The following STXBP6 variants were observed in gnomAD, a reference collection of about 807,000 sequenced individuals.
STXBP6 encodes syntaxin-binding protein 6.
STXBP6 carries 21 observed loss-of-function variants against 26.9 expected under a neutral mutation model. The ratio of observed to expected loss-of-function variants is 0.78; its 90% CI spans 0.55 to 1.12. The LOEUF is 1.12. Ranked by LOEUF, STXBP6 falls within the 50% of genes most tolerant of loss-of-function variation. The pLI is 0.00. For synonymous variants in STXBP6, 97 were observed against 92.6 expected (o/e 1.05, Z -0.27); for missense variants, 232 against 257.9 (o/e 0.90, Z 0.69).
chr14:24,943,604 G>C (rs986081415), intron 2 of STXBP6, among the ~76,000 whole-genome samples: 2 of 152,160 alleles, frequency 1.3e-5, no homozygotes, highest in African/African-American at 4.8e-5. Context: ...AAACTGCCAG[G>C]TTTACTTCTG....
At chr14:24,840,434 A>G (rs1169353454) in intron 4 of STXBP6, among the ~76,000 whole-genome samples, 1 of 152,164 alleles carries the variant, frequency 6.6e-6, no homozygotes, top group Non-Finnish European at 1.5e-5. Context: ...TCCTGACAAC[A>G]TGGCTTTGAC....
chr14:24,982,291 C>T (rs148418111), intron 1 of STXBP6, among the ~76,000 whole-genome samples: 3 of 152,294 alleles, frequency 2.0e-5, no homozygotes, highest in Non-Finnish European at 4.4e-5. Flanking sequence ...CAAACTCCCA[C>T]CCTCAAAAAG....
intron 2 of STXBP6, among the ~76,000 whole-genome samples, chr14:24,863,759 A>AT (rs139162247): frequency 0.025 from 3,798 of 152,192 alleles, 137 homozygotes; most frequent in East Asian, 0.15. Context: ...AATATGTTTG[A>AT]TTTTTTAACT....
chr14:24,980,273 G>A (rs2074153079), intron 1 of STXBP6, among the ~76,000 whole-genome samples: 1 of 152,224 alleles, frequency 6.6e-6, no homozygotes, highest in South Asian at 2.1e-4. Context: ...GATAATATGA[G>A]GCCAATTTAG....
At chr14:24,997,878 A>G (rs2074646756) in intron 1 of STXBP6, among the ~76,000 whole-genome samples, 1 of 152,160 alleles carries the variant, frequency 6.6e-6, no homozygotes, top group Non-Finnish European at 1.5e-5. Context: ...TTGTGTGTAT[A>G]TAAAAAGAGA....
At chr14:24,841,181 T>C (rs1001217874) in intron 4 of STXBP6, among the ~76,000 whole-genome samples, 12 of 152,202 alleles carry the variant, frequency 7.9e-5, no homozygotes, top group African/African-American at 2.9e-4. Flanking sequence ...CTTTTCTGAA[T>C]ATATCTTTGT....
chr14:24,898,175 A>C (rs1054281103), intron 2 of STXBP6, among the ~76,000 whole-genome samples: 5 of 152,220 alleles, frequency 3.3e-5, no homozygotes, highest in Non-Finnish European at 7.3e-5. Flanking sequence ...AAGCTTTCAC[A>C]ACTAACACTG....
chr14:24,815,750 G>A (rs1478566299), intron 5 of STXBP6: 1 of 152,058 alleles, frequency 6.6e-6, no homozygotes, highest in Admixed American at 6.5e-5. Context: ...AAAGCATTGC[G>A]TCTGCTGCAA....
intron 2 of STXBP6, among the ~76,000 whole-genome samples, chr14:24,875,210 G>A (rs2070093328): frequency 6.6e-6 from 1 of 152,024 alleles, no homozygotes; most frequent in South Asian, 2.1e-4. Flanking sequence ...TCCTATCTGG[G>A]TCTCAAAAAC....
At chr14:25,024,760 CT>C (rs1400835838) in intron 1 of STXBP6, among the ~76,000 whole-genome samples, 1 of 152,168 alleles carries the variant, frequency 6.6e-6, no homozygotes, top group Non-Finnish European at 1.5e-5. Flanking sequence ...AAGATTACAT[CT>C]TTAATTTCAC....
At chr14:24,838,544 C>T (rs918060811) in intron 4 of STXBP6, among the ~76,000 whole-genome samples, 7 of 151,938 alleles carry the variant, frequency 4.6e-5, no homozygotes, top group Non-Finnish European at 8.8e-5. Flanking sequence ...ATTAGCCAGG[C>T]GTGGTGGCTC....
At position 24,810,352 on chromosome 14, in the gene STXBP6, G is replaced by A. The variant is rs2067784117; in HGVS notation, c.*2357C>T. 1 of 152,240 alleles carries A rather than the reference G, an allele frequency of 6.6e-6. No homozygotes were observed. Among genetic ancestry groups the A allele is most frequent in the African/African-American group, 2.4e-5 (1 of 41,438 alleles). The allele number at this position is 152,240 out of a possible 1,614,324, so 9.4% of individuals were successfully genotyped here. On this transcript the variant is annotated 3_prime_UTR_variant, in exon 6 of 6. Coordinates refer to ENST00000323944, the MANE Select transcript of STXBP6 (RefSeq NM_001394410.1). ...AAGAGGACAGCAAAGAACTTCACAT[G>A]TGTTATCACTGGGCTCCTCTGCAAG...
At chr14:24,980,702 A>T (rs1158716447) in intron 1 of STXBP6, among the ~76,000 whole-genome samples, 1 of 152,246 alleles carries the variant, frequency 6.6e-6, no homozygotes, top group Non-Finnish European at 1.5e-5. Context: ...AAGGCTTCAC[A>T]AGCTTTACAA....
intron 2 of STXBP6, among the ~76,000 whole-genome samples, chr14:24,951,106 A>G (rs988157823): frequency 1.3e-5 from 2 of 152,156 alleles, no homozygotes; most frequent in Non-Finnish European, 2.9e-5. Context: ...TCCATGGTGT[A>G]TATGTGCCAC....
intron 2 of STXBP6, among the ~76,000 whole-genome samples, chr14:24,861,814 C>T (rs577663850): frequency 6.6e-6 from 1 of 152,246 alleles, no homozygotes; most frequent in South Asian, 2.1e-4. Flanking sequence ...TGTTTAGACC[C>T]TGCAGGCTAT....
intron 1 of STXBP6, among the ~76,000 whole-genome samples, chr14:25,007,329 C>G (rs906319938): frequency 6.6e-6 from 1 of 152,162 alleles, no homozygotes; most frequent in Non-Finnish European, 1.5e-5. Flanking sequence ...TAAAACCTTG[C>G]TAAGAGGCGT....
At chr14:24,837,906 G>A (rs1225399120) in intron 4 of STXBP6, among the ~76,000 whole-genome samples, 3 of 152,262 alleles carry the variant, frequency 2.0e-5, no homozygotes, top group Non-Finnish European at 4.4e-5. Context: ...ATAACAACTG[G>A]AAAGGAAGAA....
intron 2 of STXBP6, among the ~76,000 whole-genome samples, chr14:24,910,727 C>T (rs2071541705): frequency 6.6e-6 from 1 of 152,180 alleles, no homozygotes; most frequent in Non-Finnish European, 1.5e-5. Flanking sequence ...GCCCTCAAAT[C>T]TTCTACTTCT....
chr14:24,833,406 T>G lies in STXBP6; in HGVS notation c.452-14212A>C, dbSNP rs984366283. Among the ~76,000 whole-genome samples the G allele has an allele frequency of 5.3e-5, 8 of 152,346 alleles. 2 individuals carry two copies. Among genetic ancestry groups the G allele is most frequent in the Admixed American group, 3.9e-4 (6 of 15,302 alleles). ...GCATCAAAATTGTTGGTTGACTTAT[T>G]TGTACAGCTCATTAAACTAGGAGCT... On this transcript the variant is annotated intron_variant, in intron 4 of 5. Coordinates refer to ENST00000323944, the MANE Select transcript of STXBP6 (RefSeq NM_001394410.1).
Sources: gnomAD v4.1 joint callset for allele counts (sites outside exome capture counted in the v4.1 genomes callset) on GRCh38, gnomAD v4.1.1 for gene constraint, MANE v1.5 for transcripts, NCBI Gene and HGNC (gene_info 2026-07-23, HGNC 2026-07-21) for gene names.